Variants in ZNF486 observed in about 807,000 individuals in gnomAD.
ZNF486 encodes the protein KRAB box only protein 2.
ZNF486 carries 12 observed loss-of-function variants against 12.8 expected under a neutral mutation model. That is an observed-to-expected ratio of 0.94 (90% confidence interval 0.60 to 1.52). The LOEUF (loss-of-function observed/expected upper bound fraction) is 1.52, where lower values mean the gene tolerates loss of function less well. Ranked by LOEUF, ZNF486 falls within the 40% of genes most tolerant of loss-of-function variation. ZNF486 has a pLI of 0.00. For missense variants in ZNF486, 738 were observed against 545.0 expected (o/e 1.35, Z -3.53); for synonymous variants, 231 against 184.9 (o/e 1.25, Z -2.02).
At chr19:20,173,358 C>G (rs1333347786) in intron 1 of ZNF486, among the ~76,000 whole-genome samples, 2 of 152,126 alleles carry the variant, frequency 1.3e-5, no homozygotes, top group Non-Finnish European at 2.9e-5. Context: ...TGTCAAAAAT[C>G]TGATGATTAT....
rs114728103 is a variant in ZNF486, at chr19:20,178,457, T to C, written c.31-5899T>C. ...ATGGGGTTTCACTGTGTTAGTTAGA[T>C]GGTCTCGATCTCCTGACCTCATGAT... On this transcript the variant is annotated intron_variant, in intron 1 of 3. Coordinates refer to ENST00000335117, the MANE Select transcript of ZNF486 (RefSeq NM_052852.4). Among the ~76,000 whole-genome samples the C allele has an allele frequency of 6.3e-3, 963 of 152,076 alleles. 7 individuals carry two copies. Among genetic ancestry groups the C allele is most frequent in the African/African-American group, 0.021 (892 of 41,490 alleles).
At chr19:20,195,278 C>T (rs1023493681) in intron 3 of ZNF486, among the ~76,000 whole-genome samples, 24 of 152,336 alleles carry the variant, frequency 1.6e-4, no homozygotes, top group Admixed American at 2.6e-4. Flanking sequence ...AAGCAATTCT[C>T]CTGTGTCAGC....
chr19:20,188,845 C>A (rs782296556), intron 3 of ZNF486: 30 of 170,426 alleles, frequency 1.8e-4, no homozygotes, highest in Middle Eastern at 2.4e-3. Context: ...TTAAGATATC[C>A]ATAATTTTGT....
intron 1 of ZNF486, among the ~76,000 whole-genome samples, chr19:20,173,136 C>G (rs911089654): frequency 9.9e-5 from 15 of 152,224 alleles, no homozygotes; most frequent in Admixed American, 2.6e-4. Context: ...GAAGTCTTTG[C>G]CAGTTTCTGT....
intron 3 of ZNF486, chr19:20,188,356 A>C: frequency 2.5e-6 from 1 of 398,340 alleles, no homozygotes; most frequent in African/African-American, 2.1e-5. Flanking sequence ...TTAAAAACAC[A>C]TAACATAAAA....
chr19:20,177,188 G>A (rs782602852), intron 1 of ZNF486: 1 of 152,308 alleles, frequency 6.6e-6, no homozygotes, highest in Non-Finnish European at 1.5e-5. Context: ...GAGCATACTA[G>A]CAACCAGGAG....
At chr19:20,169,309 A>G (rs2089620450) in intron 1 of ZNF486, among the ~76,000 whole-genome samples, 1 of 152,168 alleles carries the variant, frequency 6.6e-6, no homozygotes, top group East Asian at 1.9e-4. Flanking sequence ...GGGTTTCTCC[A>G]TGTTGGTCAG....
At chr19:20,181,671 T>TTGC (rs368294472) in intron 1 of ZNF486, among the ~76,000 whole-genome samples, 2 of 152,330 alleles carry the variant, frequency 1.3e-5, no homozygotes, top group African/African-American at 4.8e-5. Flanking sequence ...GATCCAGTAG[T>TTGC]TGCTCCACAA....
chr19:20,167,252 C>A lies in ZNF486; in HGVS notation c.-79C>A. The stretch of plus-strand genomic sequence containing the variant: ...TCTGGAGCTCTAGGTCGCCTCTTCG[C>A]TACTCTGTGTCCTCTGCTCCTAGAG... On this transcript the variant is annotated 5_prime_UTR_variant, in exon 1 of 4. Coordinates refer to ENST00000335117, the MANE Select transcript of ZNF486 (RefSeq NM_052852.4). The A allele has an allele frequency of 1.3e-6, 2 of 1,585,636 alleles. No homozygotes were observed. The highest frequency in any genetic ancestry group is 1.1e-5 in the South Asian group (1 of 90,472).
chr19:20,192,923 AGTT>A (rs1555717377), intron 3 of ZNF486, among the ~76,000 whole-genome samples: 1 of 152,202 alleles, frequency 6.6e-6, no homozygotes, highest in East Asian at 1.9e-4. Flanking sequence ...AAACAAATGA[AGTT>A]GTCATTAGCA....
chr19:20,186,784 G>GTTTT (rs57907168), intron 3 of ZNF486, among the ~76,000 whole-genome samples: 1,740 of 122,408 alleles, frequency 0.014, 46 homozygotes, highest in Middle Eastern at 0.023. Context: ...ATTTTCATAG[G>GTTTT]TTTTTTTTTT....
intron 1 of ZNF486, chr19:20,175,230 G>A (rs1231253595): frequency 1.3e-5 from 2 of 152,012 alleles, no homozygotes; most frequent in Non-Finnish European, 2.9e-5. Context: ...ATATTTTCTG[G>A]CAGACATGAT....
chr19:20,192,489 G>A (rs1324448661), intron 3 of ZNF486, among the ~76,000 whole-genome samples: 1 of 152,082 alleles, frequency 6.6e-6, no homozygotes, highest in Non-Finnish European at 1.5e-5. Context: ...TGTATTTTAG[G>A]TAGAGATGGG....
In ZNF486 at chr19:20,197,903, G is replaced by C. The variant is rs548690154; in HGVS notation, c.1193G>C (p.Arg398Thr). 6.2e-7 allele frequency: 1 copy of C among 1,609,604 alleles called. No homozygotes were observed. Among genetic ancestry groups the C allele is most frequent in the Admixed American group, 1.7e-5 (1 of 59,678 alleles). ...TWSAGLHKHR[R>T]THTGEKPYKC... ...TCTGCAGGCCTCCATAAACATAGGA[G>C]AACTCATACTGGAGAGAAACCCTAC... The change falls in exon 4 of 4, where the codon AGA becomes ACA. Residue 398 changes from arginine (R) to threonine (T), a missense_variant. By Grantham distance (71) the Arg-to-Thr change is moderately conservative. Coordinates refer to ENST00000335117, the MANE Select transcript of ZNF486 (RefSeq NM_052852.4).
chr19:20,190,948 T>G (rs2089896144), intron 3 of ZNF486, among the ~76,000 whole-genome samples: 1 of 152,220 alleles, frequency 6.6e-6, no homozygotes, highest in African/African-American at 2.4e-5. Context: ...TACATCCTCT[T>G]GGTAACCAAA....
At position 20,197,615 on chromosome 19, in the gene ZNF486, C is replaced by A. The variant is rs2089973057; in HGVS notation, c.905C>A (p.Ala302Asp). 6.2e-7 allele frequency: 1 copy of A among 1,613,642 alleles called. No homozygotes were observed. The highest frequency in any genetic ancestry group is 1.3e-5 in the African/African-American group (1 of 74,866). The change falls in exon 4 of 4, where the codon GCT (alanine) becomes GAT (aspartate). Residue 302 changes from alanine (A) to aspartate (D), a missense_variant. Ala to Asp is a moderately radical substitution (Grantham distance 126). Coordinates refer to ENST00000335117, the MANE Select transcript of ZNF486 (RefSeq NM_052852.4). ...QPYKCKECDK[A>D]FNHPATLSSH... ...TACAAATGTAAAGAATGTGACAAAG[C>A]TTTTAACCATCCTGCAACTCTTTCT...
intron 1 of ZNF486, among the ~76,000 whole-genome samples, chr19:20,169,940 GAGTGC>G (rs2089629662): frequency 6.7e-6 from 1 of 148,512 alleles, no homozygotes. Flanking sequence ...GCCCAGGCTG[GAGTGC>G]AGTGGCGCGA....
In ZNF486 at chr19:20,197,848, T is replaced by G. The variant is rs2089976454; in HGVS notation, c.1138T>G (p.Cys380Gly). ...IIHTGEKPYK[C>G]EECGKAFTWS... The stretch of plus-strand genomic sequence containing the variant: ...TCATACTGGAGAGAAACCATACAAA[T>G]GTGAAGAATGTGGCAAAGCCTTTAC... Residue 380 changes from cysteine to glycine, a missense_variant, in exon 4 of 4, where the codon TGT becomes GGT. Transcript: ENST00000335117. The G allele has an allele frequency of 1.2e-6, 2 of 1,613,376 alleles. No individual in the cohort carries two copies. Among genetic ancestry groups the G allele is most frequent in the East Asian group, 4.5e-5 (2 of 44,854 alleles).
intron 1 of ZNF486, among the ~76,000 whole-genome samples, chr19:20,169,118 A>AT (rs532194386): frequency 2.0e-4 from 31 of 151,396 alleles, no homozygotes; most frequent in East Asian, 5.8e-4. Context: ...GGGTTACTAC[A>AT]TTTTTTTTAT....
Sources: allele counts gnomAD v4.1 joint callset (sites outside exome capture counted in the v4.1 genomes callset), GRCh38; gene constraint gnomAD v4.1.1; transcripts MANE v1.5; gene names NCBI Gene and HGNC (gene_info 2026-07-23, HGNC 2026-07-21).